CHL1: variants seen among roughly 807,000 people sequenced by gnomAD.
CHL1 encodes the protein neural cell adhesion molecule L1-like protein.
A neutral mutation model predicts 141.9 loss-of-function variants in CHL1; 96 were observed. The ratio of observed to expected loss-of-function variants is 0.68; its 90% CI spans 0.57 to 0.80. The LOEUF is 0.80. Ranked by LOEUF, CHL1 falls within the 30% of genes least tolerant of loss-of-function variation. The pLI, the probability that CHL1 is intolerant of heterozygous loss-of-function variation, is 0.00. For synonymous variants in CHL1, 613 were observed against 502.2 expected (o/e 1.22, Z -2.95); for missense variants, 1,820 against 1,457.2 (o/e 1.25, Z -4.05).
intron 18 of CHL1, 137 bp from the exon 19 acceptor site, chr3:383,679 G>T: frequency 1.9e-6 from 1 of 525,676 alleles, no homozygotes; most frequent in Non-Finnish European, 3.4e-6. Context: ...ATCTTTTTAG[G>T]AACTGGACCA....
chr3:284,445 G>A (rs1426032654), intron 2 of CHL1, among the ~76,000 whole-genome samples: 2 of 152,176 alleles, frequency 1.3e-5, no homozygotes, highest in African/African-American at 4.8e-5. Flanking sequence ...GATTGTTTGT[G>A]TGGAAGCCAC....
intron 16 of CHL1, among the ~76,000 whole-genome samples, chr3:381,307 G>C (rs868411170): frequency 6.6e-6 from 1 of 152,074 alleles, no homozygotes; most frequent in East Asian, 1.9e-4. Flanking sequence ...AGAAAAGAAG[G>C]GTTTTTATGG....
intron 26 of CHL1, among the ~76,000 whole-genome samples, chr3:399,703 G>T (rs982082250): frequency 3.3e-5 from 5 of 152,148 alleles, no homozygotes; most frequent in African/African-American, 1.2e-4. Flanking sequence ...AGCTTCTATT[G>T]TCTATCTGTA....
intron 10 of CHL1, 85 bp from the exon 11 acceptor site, chr3:354,555 G>C: frequency 6.8e-7 from 1 of 1,462,034 alleles, no homozygotes; most frequent in Non-Finnish European, 9.2e-7. Context: ...CCCTCTGCTG[G>C]TGCAAAGTAG....
rs1292215636 is a variant in CHL1 at position 377,817 on chromosome 3, G to A, written c.1752-1G>A. On this transcript the variant is annotated splice_acceptor_variant, in intron 15 of 27. Transcript: ENST00000256509. LOFTEE classifies it high-confidence loss of function. Reference sequence around the variant, plus strand: ...TCATGTACTCACTTTTTTTCTGATAGGATAATTATTGATGGAGCTAATTTG... The same window carrying A: ...TCATGTACTCACTTTTTTTCTGATAAGATAATTATTGATGGAGCTAATTTG... The A allele has an allele frequency of 1.3e-6, 2 of 1,597,168 alleles. No homozygotes were observed. The highest frequency in any genetic ancestry group is 1.7e-6 in the Non-Finnish European group (2 of 1,171,170).
At chr3:271,396 AC>A (rs1181435789) in intron 2 of CHL1, among the ~76,000 whole-genome samples, 1 of 152,166 alleles carries the variant, frequency 6.6e-6, no homozygotes, top group Non-Finnish European at 1.5e-5. Flanking sequence ...CTGTGATTAC[AC>A]CACTGCACTC....
intron 2 of CHL1, among the ~76,000 whole-genome samples, chr3:286,527 C>T (rs1321621872): frequency 6.7e-6 from 1 of 149,668 alleles, no homozygotes; most frequent in Non-Finnish European, 1.5e-5. Context: ...AGGAGAACCA[C>T]TTGAACTTAG....
At chr3:372,997 A>G (rs1277361508) in intron 15 of CHL1, among the ~76,000 whole-genome samples, 1 of 152,100 alleles carries the variant, frequency 6.6e-6, no homozygotes, top group African/African-American at 2.4e-5. Flanking sequence ...GGGATCTCAG[A>G]CCTCAAAGGT....
chr3:333,147 C>CTTTTTTTTTTTTTTTTTTT (rs1559268147), intron 5 of CHL1, among the ~76,000 whole-genome samples: 1 of 9,824 alleles, frequency 1.0e-4, no homozygotes, highest in African/African-American at 1.7e-4. Context: ...TTTTTTTTTG[C>CTTTTTTTTTTTTTTTTTTT]TGCTGCTGCA....
chr3:343,447 A>G (rs146109028), intron 8 of CHL1, among the ~76,000 whole-genome samples: 1 of 152,312 alleles, frequency 6.6e-6, no homozygotes, highest in East Asian at 1.9e-4. Flanking sequence ...TTTTTGAAAT[A>G]TTTGACATGC....
chr3:220,537 C>T (rs1413484043), intron 1 of CHL1, among the ~76,000 whole-genome samples: 1 of 151,966 alleles, frequency 6.6e-6, no homozygotes, highest in African/African-American at 2.4e-5. Context: ...AAAAAAGGTC[C>T]ATGCATAATT....
chr3:294,541 T>C lies in CHL1; in HGVS notation c.-94-25142T>C, dbSNP rs1032201618. ...ATACCAAGATCCCTCACAATGTGTG[T>C]TGTCTGAGAGAAAAATCTTATCATT... is the stretch of plus-strand genomic sequence containing the variant. On this transcript the variant is annotated intron_variant, in intron 2 of 27. Transcript: ENST00000256509. 4.6e-5 allele frequency among the ~76,000 whole-genome samples: 7 copies of C among 152,198 alleles called. No individual in the cohort carries two copies. The East Asian group carries it at 5.8e-4, about 13-fold the overall frequency.
intron 1 of CHL1, among the ~76,000 whole-genome samples, chr3:237,762 A>G (rs755298329): frequency 1.6e-4 from 25 of 152,242 alleles, no homozygotes; most frequent in Admixed American, 2.6e-4. Context: ...ATTATTAAAT[A>G]TGACATCTGA....
intron 1 of CHL1, among the ~76,000 whole-genome samples, chr3:240,177 T>C (rs1482960681): frequency 6.6e-6 from 1 of 152,206 alleles, no homozygotes; most frequent in Non-Finnish European, 1.5e-5. Context: ...CGTACTGTTT[T>C]CCATAGTGGT....
At chr3:242,883 A>T (rs1199577245) in intron 1 of CHL1, among the ~76,000 whole-genome samples, 2 of 152,140 alleles carry the variant, frequency 1.3e-5, no homozygotes, top group Non-Finnish European at 2.9e-5. Context: ...TGTCTTGAAA[A>T]TCCTAAGTGA....
chr3:268,370 C>A (rs917328533), intron 2 of CHL1, among the ~76,000 whole-genome samples: 2 of 151,740 alleles, frequency 1.3e-5, no homozygotes, highest in African/African-American at 4.8e-5. Context: ...CCTGTCTCTA[C>A]TAAAAAATAC....
intron 1 of CHL1, among the ~76,000 whole-genome samples, chr3:226,358 T>C (rs1277807083): frequency 9.4e-6 from 1 of 106,384 alleles, no homozygotes; most frequent in Non-Finnish European, 2.0e-5. Flanking sequence ...TATTATATAT[T>C]ATATAATAGA....
intron 2 of CHL1, among the ~76,000 whole-genome samples, chr3:307,534 A>G (rs953228915): frequency 3.3e-5 from 5 of 152,220 alleles, no homozygotes; most frequent in African/African-American, 4.8e-5. Flanking sequence ...TGAAATCCTA[A>G]GCCTGGAGTG....
rs769206546 is a variant in CHL1, at chr3:390,829, A to G, written c.2586+13A>G. 1 of 1,552,296 alleles carries G rather than the reference A, an allele frequency of 6.4e-7. No individual in the cohort carries two copies. The highest frequency in any genetic ancestry group is 2.2e-5 in the East Asian group (1 of 44,552). On this transcript the variant is annotated intron_variant, in intron 21 of 27. Coordinates refer to ENST00000256509, the MANE Select transcript of CHL1 (RefSeq NM_006614.4). The stretch of plus-strand genomic sequence containing the variant: ...GAAAGGCTATCAGGTTTTTATCATC[A>G]TGGTTTTTCCTCTTCTTGTTGAATT...
Sources: allele counts gnomAD v4.1 joint callset (sites outside exome capture counted in the v4.1 genomes callset), GRCh38; gene constraint gnomAD v4.1.1; transcripts MANE v1.5; gene names NCBI Gene and HGNC (gene_info 2026-07-23, HGNC 2026-07-21).